The following NFIB variants were observed in gnomAD, a reference collection of about 807,000 sequenced individuals.
NFIB encodes the protein nuclear factor 1 B-type.
A neutral mutation model predicts 61.5 loss-of-function variants in NFIB; 11 were observed. The observed-to-expected ratio is 0.18, with a 90% CI of 0.11 to 0.30. The LOEUF (loss-of-function observed/expected upper bound fraction) is 0.30, where lower values mean the gene tolerates loss of function less well. NFIB is among the 10% of genes least tolerant of loss of function. The pLI is 1.00. For synonymous variants in NFIB, 260 were observed against 216.5 expected, an observed-to-expected ratio of 1.20 and a Z score of -1.76; for missense variants, 471 against 608.9, an observed-to-expected ratio of 0.77 and a Z score of 2.38.
chr9:14,168,967 A>G (rs1018207556), intron 3 of NFIB, among the ~76,000 whole-genome samples: 4 of 152,216 alleles, frequency 2.6e-5, no homozygotes, highest in African/African-American at 9.6e-5. Flanking sequence ...CAATTTGGAC[A>G]TGGTAAGCAT....
At chr9:14,399,044 A>T, upstream of NFIB, 1 of 212,422 alleles carries the variant, frequency 4.7e-6, no homozygotes, top group East Asian at 7.1e-5. Context: ...ATGAATTGAG[A>T]TGTGCTATAA....
intron 2 of NFIB, among the ~76,000 whole-genome samples, chr9:14,298,193 T>C (rs953923470): frequency 6.6e-6 from 1 of 152,128 alleles, no homozygotes; most frequent in Admixed American, 6.6e-5. Context: ...AAGAAAAAAA[T>C]GTTGGTTTTA....
the NFIB span, among the ~76,000 whole-genome samples, chr9:14,481,425 C>A: frequency 2.0e-5 from 3 of 151,186 alleles, no homozygotes; most frequent in African/African-American, 7.3e-5. Flanking sequence ...CCCAAAAAAA[C>A]CTCTTGCATT....
At chr9:14,278,968 C>T (rs1306972109) in intron 2 of NFIB, among the ~76,000 whole-genome samples, 1 of 152,128 alleles carries the variant, frequency 6.6e-6, no homozygotes, top group Non-Finnish European at 1.5e-5. Context: ...ATTATCAGTA[C>T]TATCTATAAA....
chr9:14,248,545 ACAGGCATGAGCCAC>A (rs2055203803), intron 2 of NFIB, among the ~76,000 whole-genome samples: 1 of 152,192 alleles, frequency 6.6e-6, no homozygotes, highest in Non-Finnish European at 1.5e-5. Flanking sequence ...TCCTGGGATT[ACAGGCATGAGCCAC>A]CACGCCCGGC....
chr9:14,441,874 T>G, the NFIB span, among the ~76,000 whole-genome samples: 1 of 152,232 alleles, frequency 6.6e-6, no homozygotes, highest in East Asian at 1.9e-4. Flanking sequence ...GAGAGGCAAC[T>G]ATGATTGTAT....
intron 1 of NFIB, among the ~76,000 whole-genome samples, chr9:14,382,258 A>G (rs2061496835): frequency 6.6e-6 from 1 of 152,150 alleles, no homozygotes; most frequent in African/African-American, 2.4e-5. Context: ...TGACGAGTGG[A>G]TGAATAACTA....
intron 2 of NFIB, chr9:14,204,756 C>G: frequency 1.6e-5 from 9 of 545,970 alleles, no homozygotes; most frequent in Non-Finnish European, 2.6e-5. Flanking sequence ...GTGTTCCTGC[C>G]TGCCCTGTGT....
intron 1 of NFIB, among the ~76,000 whole-genome samples, chr9:14,340,931 G>A (rs746863610): frequency 5.3e-5 from 8 of 152,008 alleles, no homozygotes; most frequent in Non-Finnish European, 8.8e-5. Context: ...GGGTGGGAGC[G>A]GGTGGGCGGT....
At chr9:14,226,541 C>A in intron 2 of NFIB, among the ~76,000 whole-genome samples, 2 of 143,558 alleles carry the variant, frequency 1.4e-5, no homozygotes, top group South Asian at 2.2e-4. Flanking sequence ...GAGCAAGACC[C>A]TATCTCAGAA....
At chr9:14,157,248 A>G (rs1457699862) in intron 3 of NFIB, among the ~76,000 whole-genome samples, 1 of 152,154 alleles carries the variant, frequency 6.6e-6, no homozygotes, top group South Asian at 2.1e-4. Flanking sequence ...AGACAGTCCA[A>G]AATGATCCGC....
the NFIB span, among the ~76,000 whole-genome samples, chr9:14,416,690 A>C: frequency 6.6e-6 from 1 of 151,986 alleles, no homozygotes; most frequent in Admixed American, 6.6e-5. Flanking sequence ...GCTAAGACTA[A>C]TTTATTATTG....
At chr9:14,314,968 G>C (rs1392764853), upstream of NFIB, among the ~76,000 whole-genome samples, 1 of 151,926 alleles carries the variant, frequency 6.6e-6, no homozygotes, top group Non-Finnish European at 1.5e-5. Flanking sequence ...CCCGAGAAAG[G>C]AACGAGTGGA....
intron 1 of NFIB, among the ~76,000 whole-genome samples, chr9:14,322,563 C>T (rs1467075196): frequency 6.6e-6 from 1 of 152,022 alleles, no homozygotes; most frequent in African/African-American, 2.4e-5. Context: ...CTTTCTCTTT[C>T]TCCGGCTCGC....
At chr9:14,248,717 G>A (rs1356641153) in intron 2 of NFIB, among the ~76,000 whole-genome samples, 1 of 152,180 alleles carries the variant, frequency 6.6e-6, no homozygotes, top group East Asian at 1.9e-4. Flanking sequence ...TAGCCAAAGA[G>A]AAGAAAGCAC....
intron 1 of NFIB, among the ~76,000 whole-genome samples, chr9:14,324,446 A>G (rs2060728877): frequency 1.3e-5 from 2 of 152,208 alleles, no homozygotes; most frequent in Non-Finnish European, 2.9e-5. Flanking sequence ...CTTTTATGTA[A>G]GTGTGCAACA....
At chr9:14,510,204 G>T in the NFIB span, among the ~76,000 whole-genome samples, 3 of 152,126 alleles carry the variant, frequency 2.0e-5, no homozygotes, top group Non-Finnish European at 4.4e-5. Context: ...CCTTGAAGAC[G>T]CATTTTAAAT....
intron 1 of NFIB, among the ~76,000 whole-genome samples, chr9:14,354,632 G>A (rs936924907): frequency 1.3e-5 from 2 of 152,178 alleles, no homozygotes; most frequent in Admixed American, 6.5e-5. Flanking sequence ...AGTGGGATCA[G>A]CCCTGGGGAA....
intron 2 of NFIB, among the ~76,000 whole-genome samples, chr9:14,283,701 A>G (rs1563973988): frequency 6.6e-6 from 1 of 152,220 alleles, no homozygotes. Flanking sequence ...GCAAATATAT[A>G]AAGTCAGTAT....
Sources: gnomAD v4.1 joint callset for allele counts (sites outside exome capture counted in the v4.1 genomes callset) on GRCh38, gnomAD v4.1.1 for gene constraint, MANE v1.5 for transcripts, NCBI Gene and HGNC (gene_info 2026-07-23, HGNC 2026-07-21) for gene names.